STXBP5L: variants seen among roughly 807,000 people sequenced by gnomAD.
The protein encoded by STXBP5L is syntaxin-binding protein 5-like.
In STXBP5L, 65 loss-of-function variants were observed where a neutral mutation model predicts 144.5. The ratio of observed to expected loss-of-function variants is 0.45; its 90% CI spans 0.37 to 0.55. The LOEUF (loss-of-function observed/expected upper bound fraction) is 0.55. STXBP5L is among the 20% of genes least tolerant of loss of function. The pLI is 0.00. For missense variants in STXBP5L, 1,298 were observed against 1,405.5 expected, an observed-to-expected ratio of 0.92 and a Z score of 1.22; for synonymous variants, 505 against 469.6, an observed-to-expected ratio of 1.08 and a Z score of -0.97.
Position 121,240,335 on chromosome 3 carries a change from AT to A in STXBP5L, c.1333-100del. ...CTTCATTCTTGATGATTTTACACTTATTTTTCTTTAAGTGAGCTTTTTATCA... is the reference window on the plus strand; with the variant it reads ...CTTCATTCTTGATGATTTTACACTTATTTTCTTTAAGTGAGCTTTTTATCA... On this transcript the variant is annotated intron_variant, in intron 13 of 26. Coordinates refer to ENST00000471454, the MANE Select transcript of STXBP5L (RefSeq NM_001308330.2). 7 of 1,046,656 alleles carry A rather than the reference AT, an allele frequency of 6.7e-6. No individual in the cohort carries two copies. The South Asian group carries it at 1.1e-4, about 17-fold the overall frequency. The allele number at this position is 1,046,656 out of a possible 1,614,324, so 64.8% of individuals were successfully genotyped here.
intron 20 of STXBP5L, among the ~76,000 whole-genome samples, chr3:121,366,231 A>G (rs2045861185): frequency 6.6e-6 from 1 of 151,840 alleles, no homozygotes; most frequent in African/African-American, 2.4e-5. Flanking sequence ...GAATGCGTAT[A>G]CTTTTGTTGA....
At chr3:121,226,865 GA>G (rs953592341) in intron 11 of STXBP5L, among the ~76,000 whole-genome samples, 16 of 152,264 alleles carry the variant, frequency 1.1e-4, no homozygotes, top group Admixed American at 8.5e-4. Flanking sequence ...TCAGGCATTA[GA>G]TTTTACTTAT....
chr3:120,952,196 A>G (rs12630423), intron 2 of STXBP5L, among the ~76,000 whole-genome samples: 1 of 150,954 alleles, frequency 6.6e-6, no homozygotes, highest in Non-Finnish European at 1.5e-5. Context: ...GGGAGATATA[A>G]CTAATGCTAG....
chr3:121,364,872 A>T (rs1399973378), intron 20 of STXBP5L, among the ~76,000 whole-genome samples: 1 of 151,760 alleles, frequency 6.6e-6, no homozygotes, highest in African/African-American at 2.4e-5. Context: ...GGCTTTTATT[A>T]TATTGAGATA....
chr3:121,130,773 G>A (rs371507091), intron 7 of STXBP5L, among the ~76,000 whole-genome samples: 53 of 151,978 alleles, frequency 3.5e-4, no homozygotes, highest in African/African-American at 1.2e-3. Flanking sequence ...TCTTCCACTT[G>A]AAAATGTTAA....
intron 5 of STXBP5L, among the ~76,000 whole-genome samples, chr3:121,067,188 G>T (rs1034460289): frequency 2.6e-5 from 4 of 151,326 alleles, no homozygotes; most frequent in Non-Finnish European, 5.9e-5. Flanking sequence ...TCTTCATTGG[G>T]TTTGGTTTAC....
At chr3:121,392,509 G>C (rs1258954898) in intron 22 of STXBP5L, among the ~76,000 whole-genome samples, 1 of 152,088 alleles carries the variant, frequency 6.6e-6, no homozygotes, top group East Asian at 1.9e-4. Flanking sequence ...CTGCAGACCA[G>C]AGCTGTTCCT....
At position 121,238,981 on chromosome 3, in the gene STXBP5L, T is replaced by C; in HGVS notation, c.1195T>C (p.Phe399Leu). Residue 399 changes from phenylalanine (F) to leucine (L), a missense_variant, in exon 13 of 27, where the codon TTT becomes CTT. Physicochemically the swap from Phe to Leu is conservative, Grantham distance 22. Transcript: ENST00000471454. ...VDLTQSNFPIFENPYPMDIHE... is the reference protein window; with the variant it reads ...VDLTQSNFPILENPYPMDIHE... ...GTCTTTATCTATTAGTTTTCCAATC[T>C]TTGAAAATCCATATCCCATGGACAT... 6.3e-7 allele frequency: 1 copy of C among 1,592,680 alleles called. No homozygotes were observed. The highest frequency in any genetic ancestry group is 2.3e-5 in the East Asian group (1 of 43,998).
At chr3:121,109,114 G>A (rs2043856644) in intron 5 of STXBP5L, among the ~76,000 whole-genome samples, 1 of 151,778 alleles carries the variant, frequency 6.6e-6, no homozygotes, top group Non-Finnish European at 1.5e-5. Flanking sequence ...ATTTTTTATT[G>A]TATCAATTTG....
intron 20 of STXBP5L, chr3:121,356,874 A>C (rs755380773): frequency 6.5e-6 from 1 of 152,832 alleles, no homozygotes; most frequent in Non-Finnish European, 1.5e-5. Flanking sequence ...CTACTATAAA[A>C]AGTGGTATAA....
intron 20 of STXBP5L, among the ~76,000 whole-genome samples, chr3:121,358,249 C>A (rs1030053731): frequency 6.8e-6 from 1 of 147,558 alleles, no homozygotes; most frequent in Non-Finnish European, 1.5e-5. Flanking sequence ...ATCCGCAACA[C>A]CTCCCTAACC....
intron 3 of STXBP5L, among the ~76,000 whole-genome samples, chr3:120,994,713 TC>T (rs1943201173): frequency 6.6e-6 from 1 of 152,188 alleles, no homozygotes; most frequent in South Asian, 2.1e-4. Flanking sequence ...GCATCTTTTT[TC>T]ATCATGAGTA....
chr3:121,406,775 G>A (rs1478764389), intron 22 of STXBP5L, among the ~76,000 whole-genome samples: 1 of 151,838 alleles, frequency 6.6e-6, no homozygotes, highest in Non-Finnish European at 1.5e-5. Flanking sequence ...TATGAAATAA[G>A]AAAATCAAAT....
intron 17 of STXBP5L, 138 bp from the exon 18 acceptor site, chr3:121,258,905 A>G (rs1185012412): frequency 2.7e-6 from 2 of 745,246 alleles, no homozygotes; most frequent in Non-Finnish European, 3.8e-6. Context: ...AGAAAACTAG[A>G]AGGCACCATC....
intron 3 of STXBP5L, among the ~76,000 whole-genome samples, chr3:120,978,806 C>T (rs1332322605): frequency 6.6e-6 from 1 of 152,186 alleles, no homozygotes; most frequent in East Asian, 1.9e-4. Context: ...TGCTAGAGGT[C>T]CACTCCAGAC....
intron 20 of STXBP5L, among the ~76,000 whole-genome samples, chr3:121,345,507 C>A (rs556230836): frequency 6.6e-6 from 1 of 152,096 alleles, no homozygotes; most frequent in African/African-American, 2.4e-5. Context: ...GATTTATAAT[C>A]CTTTGGGTAT....
intron 5 of STXBP5L, among the ~76,000 whole-genome samples, chr3:121,054,526 G>A (rs146308366): frequency 6.9e-6 from 1 of 145,976 alleles, no homozygotes; most frequent in African/African-American, 2.6e-5. Context: ...ATTCACAGGT[G>A]GGAATTGAAC....
chr3:120,997,730 T>G (rs1943462588), intron 3 of STXBP5L, among the ~76,000 whole-genome samples: 1 of 152,188 alleles, frequency 6.6e-6, no homozygotes, highest in South Asian at 2.1e-4. Flanking sequence ...GTAGATTGTC[T>G]GTTTACTCTG....
At chr3:121,208,387 A>T (rs1320832134) in intron 10 of STXBP5L, among the ~76,000 whole-genome samples, 1 of 152,148 alleles carries the variant, frequency 6.6e-6, no homozygotes, top group Admixed American at 6.5e-5. Flanking sequence ...AATGTAAATG[A>T]GGAGTTAATG....
Sources: allele counts gnomAD v4.1 joint callset (sites outside exome capture counted in the v4.1 genomes callset), GRCh38; gene constraint gnomAD v4.1.1; transcripts MANE v1.5; gene names NCBI Gene and HGNC (gene_info 2026-07-23, HGNC 2026-07-21).